Variants in ABCG8 observed in about 807,000 individuals in gnomAD.
The protein encoded by ABCG8 is ATP binding cassette subfamily G member 8.
In ABCG8, 81 loss-of-function variants were observed where a neutral mutation model predicts 71.3. The observed-to-expected ratio is 1.14, with a 90% CI of 0.95 to 1.37. ABCG8 has a LOEUF of 1.37. Ranked by LOEUF, ABCG8 falls within the 40% of genes most tolerant of loss-of-function variation. The probability of loss-of-function intolerance (pLI) is 0.00; values close to 1 mark genes in which losing one functional copy is unlikely to be tolerated. For synonymous variants in ABCG8, 451 were observed against 354.7 expected (o/e 1.27, Z -3.05); for missense variants, 1,119 against 866.2 (o/e 1.29, Z -3.66).
At chr2:43,851,518 G>A (rs376435503) in intron 3 of ABCG8, 66 bp from the exon 4 acceptor site, 1 of 1,551,602 alleles carries the variant, frequency 6.4e-7, no homozygotes. Context: ...TGTATGGGGA[G>A]CAGTGGCTGA....
At position 43,882,415 on chromosome 2, in the gene ABCG8, G is replaced by C. The variant is rs1221715390; in HGVS notation, c.*4502G>C. ...TTTCCTTTGGCCCAACCGGCCTTGGGGTCTGGAGCACCAAACAGGCCCTGA... is the reference window on the plus strand; with the variant it reads ...TTTCCTTTGGCCCAACCGGCCTTGGCGTCTGGAGCACCAAACAGGCCCTGA... On this transcript the variant is annotated 3_prime_UTR_variant, in exon 13 of 13. Transcript: ENST00000272286. 1.3e-5 allele frequency: 2 copies of C among 152,200 alleles called. No individual in the cohort carries two copies. The highest frequency in any genetic ancestry group is 2.4e-5 in the African/African-American group (1 of 41,440). The allele number at this position is 152,200 out of a possible 1,614,324, so 9.4% of individuals were successfully genotyped here.
intron 1 of ABCG8, among the ~76,000 whole-genome samples, chr2:43,843,478 C>G (rs1286814224): frequency 6.6e-6 from 1 of 151,960 alleles, no homozygotes; most frequent in Non-Finnish European, 1.5e-5. Flanking sequence ...CACTTGAGCC[C>G]AGGAGTTTGA....
intron 1 of ABCG8, among the ~76,000 whole-genome samples, chr2:43,842,170 C>T (rs547432202): frequency 1.6e-4 from 25 of 152,126 alleles, no homozygotes; most frequent in African/African-American, 5.1e-4. Context: ...CCACCATGCC[C>T]GGCAATTTTT....
chr2:43,874,798 T>A (rs751173241), intron 10 of ABCG8, among the ~76,000 whole-genome samples: 1 of 152,136 alleles, frequency 6.6e-6, no homozygotes, highest in African/African-American at 2.4e-5. Flanking sequence ...GCCAGGCAGG[T>A]GTTTCCAGGA....
In ABCG8 at chr2:43,873,941, G is replaced by A. The variant is rs1367618593; in HGVS notation, c.1366G>A (p.Gly456Ser). The change falls in exon 9 of 13, where the codon GGT becomes AGT. Residue 456 changes from glycine (G) to serine (S), a missense_variant. Gly to Ser is a moderately conservative substitution (Grantham distance 56, BLOSUM62 0). Transcript: ENST00000272286. ...MDTAALLFMI[G>S]ALIPFNVILD... ...TACAGCCGCCCTCTTGTTCATGATC[G>A]GTGCTCTCATCCCTTTCAACGTCAT... is the stretch of plus-strand genomic sequence containing the variant. 4.3e-6 allele frequency: 7 copies of A among 1,613,922 alleles called. No homozygotes were observed. The highest frequency in any genetic ancestry group is 5.9e-6 in the Non-Finnish European group (7 of 1,180,036).
chr2:43,852,542 T>C lies in ABCG8; in HGVS notation c.694+56T>C. 8 of 1,613,954 alleles carry C rather than the reference T, an allele frequency of 5.0e-6. No homozygotes were observed. In the South Asian group the frequency reaches 8.8e-5, roughly 18 times the overall value. ...GGGACCTGTGCGGTCCCCTCAGGCT[T>C]GGCTTGGTCTGGCCAGAGCCCCACC... On this transcript the variant is annotated intron_variant, in intron 5 of 12. Coordinates refer to ENST00000272286, the MANE Select transcript of ABCG8 (RefSeq NM_022437.3).
chr2:43,873,346 T>TC (rs1451242622), intron 8 of ABCG8, among the ~76,000 whole-genome samples: 1 of 151,762 alleles, frequency 6.6e-6, no homozygotes, highest in East Asian at 1.9e-4. Context: ...GTGCCACCAC[T>TC]CCTGACTAAT....
chr2:43,878,596 A>T lies in ABCG8; in HGVS notation c.*683A>T, dbSNP rs1157998049. The stretch of plus-strand genomic sequence containing the variant: ...AGGGCACATGGATACTTTGTGGTGG[A>T]GTCATATGGGGATCAGAAAAGCCTT... On this transcript the variant is annotated 3_prime_UTR_variant, in exon 13 of 13. Coordinates refer to ENST00000272286, the MANE Select transcript of ABCG8 (RefSeq NM_022437.3). 1 of 160,306 alleles carries T rather than the reference A, an allele frequency of 6.2e-6. No individual in the cohort carries two copies. Among genetic ancestry groups the T allele is most frequent in the Non-Finnish European group, 1.4e-5 (1 of 72,276 alleles). 9.9% of individuals were successfully genotyped at this position (160,306 alleles called of 1,614,324 possible).
At chr2:43,840,480 T>C (rs1478701821) in intron 1 of ABCG8, among the ~76,000 whole-genome samples, 1 of 152,150 alleles carries the variant, frequency 6.6e-6, no homozygotes, top group Non-Finnish European at 1.5e-5. Flanking sequence ...CATTTCTGCT[T>C]CCCTTCTGTC....
chr2:43,877,999 A>C lies in ABCG8; in HGVS notation c.*86A>C. ...TCCTCAGGAGCCCCTTCCTGGGGACAGTGAGGACAATGACCCTACAGATGC... is the reference window on the plus strand; with the variant it reads ...TCCTCAGGAGCCCCTTCCTGGGGACCGTGAGGACAATGACCCTACAGATGC... On this transcript the variant is annotated 3_prime_UTR_variant, in exon 13 of 13. Transcript: ENST00000272286. 1.3e-6 allele frequency: 2 copies of C among 1,590,122 alleles called. No individual in the cohort carries two copies. Among genetic ancestry groups the C allele is most frequent in the South Asian group, 2.2e-5 (2 of 89,018 alleles).
intron 8 of ABCG8, among the ~76,000 whole-genome samples, chr2:43,873,158 G>A (rs563210714): frequency 2.6e-5 from 4 of 151,380 alleles, no homozygotes; most frequent in South Asian, 2.1e-4. Flanking sequence ...GCTACTACAA[G>A]CAATGAGGCA....
intron 4 of ABCG8, 117 bp from the exon 5 acceptor site, chr2:43,852,237 T>A (rs778114115): frequency 7.7e-5 from 108 of 1,403,766 alleles, no homozygotes; most frequent in Non-Finnish European, 1.0e-4. Context: ...GCTGGAGCTG[T>A]CTCCCTTCAC....
At chr2:43,875,052 G>A (rs1411655821) in intron 10 of ABCG8, 94 bp from the exon 11 acceptor site, 4 of 1,562,090 alleles carry the variant, frequency 2.6e-6, no homozygotes, top group South Asian at 1.1e-5. Context: ...CAGGAGGGAA[G>A]GTTGCTATCT....
At chr2:43,850,818 G>C (rs1374075777) in intron 3 of ABCG8, among the ~76,000 whole-genome samples, 1 of 151,634 alleles carries the variant, frequency 6.6e-6, no homozygotes, top group Non-Finnish European at 1.5e-5. Flanking sequence ...CTGAGGCAGG[G>C]AGAATTGCTT....
chr2:43,872,298 G>C lies in ABCG8; in HGVS notation c.1203G>C (p.Thr401=). Residue 401 remains threonine (T), a synonymous_variant, in exon 8 of 13, where the codon ACG becomes ACC. Coordinates refer to ENST00000272286, the MANE Select transcript of ABCG8 (RefSeq NM_022437.3). ...KMPGAVQQFT[T]LIRRQISNDF... is the part of the protein sequence containing the mutation. ...CTGGGGCGGTGCAGCAGTTTACGAC[G>C]CTGATCCGGTAATTATCTGTCATTT... 1 of 1,613,626 alleles carries C rather than the reference G, an allele frequency of 6.2e-7. No homozygotes were observed. Among genetic ancestry groups the C allele is most frequent in the Middle Eastern group, 1.6e-4 (1 of 6,062 alleles).
intron 6 of ABCG8, among the ~76,000 whole-genome samples, chr2:43,859,278 T>C (rs1669221473): frequency 6.6e-6 from 1 of 151,516 alleles, no homozygotes; most frequent in Non-Finnish European, 1.5e-5. Flanking sequence ...TCTGTCTGGA[T>C]ATAATTCTCA....
chr2:43,879,235 A>G lies in ABCG8; in HGVS notation c.*1322A>G, dbSNP rs1220599267. The G allele has an allele frequency of 6.6e-6, 1 of 152,278 alleles. No individual in the cohort carries two copies. Among genetic ancestry groups the G allele is most frequent in the African/African-American group, 2.4e-5 (1 of 41,454 alleles). The allele number at this position is 152,278 out of a possible 1,614,324, so 9.4% of individuals were successfully genotyped here. A position where few individuals can be genotyped will look rare whatever the true frequency, so the allele number is the denominator to read the frequency against. ...TGAGTGTTGGGGACTATCTGACCCA[A>G]AACAGGTGCACAGAGGGCAGGAGAG... On this transcript the variant is annotated 3_prime_UTR_variant, in exon 13 of 13. Transcript: ENST00000272286.
chr2:43,872,132 T>A lies in ABCG8; in HGVS notation c.1121T>A (p.Val374Glu). 6.2e-7 allele frequency: 1 copy of A among 1,614,084 alleles called. No individual in the cohort carries two copies. Among genetic ancestry groups the A allele is most frequent in the Non-Finnish European group, 8.5e-7 (1 of 1,180,022 alleles). The change falls in exon 7 of 13, where the codon GTG becomes GAG. Residue 374 changes from valine to glutamate, a missense_variant. By Grantham distance (121) the Val-to-Glu change is moderately radical. Coordinates refer to ENST00000272286, the MANE Select transcript of ABCG8 (RefSeq NM_022437.3). ...AAGGATCTTGACGAGGACACCTGTG[T>A]GGAAAGGTAAGGTGGCAGGCGACTC... is the stretch of plus-strand genomic sequence containing the variant. ...ETKDLDEDTC[V>E]ESSVTPLDTN...
rs1395949344 is a variant in ABCG8 at position 43,875,326 on chromosome 2, C to G, written c.1669C>G (p.His557Asp). Residue 557 changes from histidine (H) to aspartate (D), a missense_variant, in exon 11 of 13, where the codon CAC becomes GAC. His to Asp is a moderately conservative substitution (Grantham distance 81, BLOSUM62 -1). Coordinates refer to ENST00000272286, the MANE Select transcript of ABCG8 (RefSeq NM_022437.3). ...CGCCGCGGCCCTGCTCCCCACCTTC[C>G]ACATGGCCTCCTTCTTCAGCAATGC... is the stretch of plus-strand genomic sequence containing the variant. ...LAAAALLPTF[H>D]MASFFSNALY... The G allele has an allele frequency of 1.5e-5, 25 of 1,614,076 alleles. No individual in the cohort carries two copies. Among genetic ancestry groups the G allele is most frequent in the Non-Finnish European group, 1.8e-5 (21 of 1,180,054 alleles).
Sources: allele counts gnomAD v4.1 joint callset (sites outside exome capture counted in the v4.1 genomes callset), GRCh38; gene constraint gnomAD v4.1.1; transcripts MANE v1.5; gene names NCBI Gene and HGNC (gene_info 2026-07-23, HGNC 2026-07-21).